The following MED13 variants were observed in gnomAD, a reference collection of about 807,000 sequenced individuals.
The protein encoded by MED13 is mediator complex subunit 13.
Under a neutral mutation model 225.2 loss-of-function variants are expected in MED13, and 23 were observed. That is an observed-to-expected ratio of 0.10 (90% CI 0.07 to 0.14). MED13 has a LOEUF of 0.14. MED13 is among the 10% of genes least tolerant of loss of function. The pLI is 1.00. For synonymous variants in MED13, 942 were observed against 889.2 expected, an observed-to-expected ratio of 1.06 and a Z score of -1.06; for missense variants, 2,197 against 2,594.5, an observed-to-expected ratio of 0.85 and a Z score of 3.33.
At chr17:61,979,715 G>A (rs931371031) in intron 16 of MED13, among the ~76,000 whole-genome samples, 1 of 152,058 alleles carries the variant, frequency 6.6e-6, no homozygotes. Flanking sequence ...TACAGCAAAA[G>A]TCCCCAGAAA....
chr17:62,015,944 ATATATATATATTTTTTTTTT>A lies in MED13; in HGVS notation c.1284-4731_1284-4712del, dbSNP rs1440818177. Reference sequence around the variant, plus strand: ...TATATATATATATATATATATATATATATATATATATTTTTTTTTTTTTTTTTTTTTTTTTTTTTAGTAGA... The same window carrying A: ...TATATATATATATATATATATATATATTTTTTTTTTTTTTTTTTTAGTAGA... On this transcript the variant is annotated intron_variant, in intron 8 of 29. Transcript: ENST00000397786. Among the ~76,000 whole-genome samples the A allele has an allele frequency of 2.3e-3, 29 of 12,728 alleles. 1 individual carries two copies. Among genetic ancestry groups the A allele is most frequent in the South Asian group, 3.5e-3 (1 of 284 alleles). 8.4% of individuals were successfully genotyped at this position (12,728 alleles called of 152,430 possible). A position where few individuals can be genotyped will look rare whatever the true frequency, so the allele number is the denominator to read the frequency against.
chr17:61,963,202 C>CAAAAAA (rs11290002), intron 20 of MED13, among the ~76,000 whole-genome samples: 38 of 55,782 alleles, frequency 6.8e-4, no homozygotes, highest in African/African-American at 9.4e-4. Flanking sequence ...TTAAATTTAC[C>CAAAAAA]AAAAAAAAAA....
At chr17:62,054,200 G>A (rs9915023) in intron 2 of MED13, among the ~76,000 whole-genome samples, 11,389 of 151,788 alleles carry the variant, frequency 0.075, 1,468 homozygotes, top group African/African-American at 0.26. Flanking sequence ...CCAGCTACTC[G>A]GGAGGCTGAG....
At chr17:61,963,052 C>T in intron 20 of MED13, 81 bp from the exon 21 acceptor site, 1 of 1,108,798 alleles carries the variant, frequency 9.0e-7, no homozygotes, top group Non-Finnish European at 1.3e-6. Flanking sequence ...TTAATATCCC[C>T]CTCCTCCCTC....
Position 61,945,066 on chromosome 17 carries a change from TACA to T in MED13, c.*1399_*1401del, listed in dbSNP as rs2079842224. 6.6e-6 allele frequency: 1 copy of T among 152,564 alleles called. No homozygotes were observed. The highest frequency in any genetic ancestry group is 1.5e-5 in the Non-Finnish European group (1 of 68,026). 9.5% of individuals were successfully genotyped at this position (152,564 alleles called of 1,614,324 possible). On this transcript the variant is annotated 3_prime_UTR_variant, in exon 30 of 30. Transcript: ENST00000397786. ...TAATCTGAGCTGTGTTATAGAAAAGTACAGACTCTGGTGTTTGGGACTGACATC... is the reference window on the plus strand; with the variant it reads ...TAATCTGAGCTGTGTTATAGAAAAGTGACTCTGGTGTTTGGGACTGACATC...
chr17:62,061,553 T>C (rs72843797), intron 2 of MED13, among the ~76,000 whole-genome samples: 11,156 of 152,228 alleles, frequency 0.073, 607 homozygotes, highest in South Asian at 0.31. Flanking sequence ...TATCAACAAA[T>C]ATATTTTATC....
chr17:61,953,746 T>TTA (rs771786312), intron 26 of MED13, among the ~76,000 whole-genome samples: 3 of 152,218 alleles, frequency 2.0e-5, no homozygotes, highest in Non-Finnish European at 4.4e-5. Flanking sequence ...GTGTAGTACT[T>TTA]TGTTAGAGCA....
intron 20 of MED13, among the ~76,000 whole-genome samples, chr17:61,964,182 A>T (rs2080033002): frequency 6.6e-6 from 1 of 152,216 alleles, no homozygotes. Context: ...GGGTATCTGG[A>T]CTATATGGTT....
intron 9 of MED13, among the ~76,000 whole-genome samples, chr17:61,996,671 C>T (rs918896223): frequency 2.0e-5 from 3 of 152,174 alleles, no homozygotes; most frequent in Non-Finnish European, 4.4e-5. Context: ...GAGCCCATAA[C>T]TACTTTATTT....
intron 3 of MED13, among the ~76,000 whole-genome samples, chr17:62,047,725 C>G (rs567235771): frequency 5.2e-4 from 79 of 151,624 alleles, no homozygotes; most frequent in African/African-American, 1.7e-3. Flanking sequence ...TAAAAATAAA[C>G]AAACAAATAA....
rs138917473 is a variant in MED13 at position 62,056,179 on chromosome 17, G to C, written c.302-3474C>G. Among the ~76,000 whole-genome samples, 496 of 152,304 alleles carry C rather than the reference G, an allele frequency of 3.3e-3. 3 individuals carry two copies. The highest frequency in any genetic ancestry group is 0.014 in the Middle Eastern group (4 of 294). On this transcript the variant is annotated intron_variant, in intron 2 of 29. Coordinates refer to ENST00000397786, the MANE Select transcript of MED13 (RefSeq NM_005121.3). ...TTTTGGTTTTGTTGGGAATCACTTA[G>C]AAACAAGAAGCCTACTGAGCCAAGT... is the stretch of plus-strand genomic sequence containing the variant.
chr17:62,049,121 A>T lies in MED13; in HGVS notation c.470+3416T>A, dbSNP rs753265133. On this transcript the variant is annotated intron_variant, in intron 3 of 29. Coordinates refer to ENST00000397786, the MANE Select transcript of MED13 (RefSeq NM_005121.3). ...GGAGAAATGAGAAATGAGGGATCCA[A>T]CAAGAAGGGAAAAGCAAAGAGAATC... Among the ~76,000 whole-genome samples the T allele has an allele frequency of 2.1e-4, 32 of 151,788 alleles. 1 individual carries two copies. Among genetic ancestry groups the T allele is most frequent in the Non-Finnish European group, 1.2e-4 (8 of 67,964 alleles).
At chr17:61,962,683 G>T in intron 21 of MED13, 69 bp downstream of exon 21, 1 of 1,335,060 alleles carries the variant, frequency 7.5e-7, no homozygotes. Context: ...CAGAAAAGTA[G>T]TATCTGAAAC....
chr17:62,016,365 T>A (rs1213123911), intron 8 of MED13, among the ~76,000 whole-genome samples: 1 of 152,108 alleles, frequency 6.6e-6, no homozygotes, highest in African/African-American at 2.4e-5. Context: ...ATACTTTCAA[T>A]GACAAGGACC....
chr17:62,025,799 T>C (rs2080695855), intron 8 of MED13, among the ~76,000 whole-genome samples: 1 of 152,236 alleles, frequency 6.6e-6, no homozygotes, highest in Admixed American at 6.5e-5. Flanking sequence ...TTTTTAGCTA[T>C]TTTAAACTGC....
chr17:61,962,764 A>G lies in MED13; in HGVS notation c.5052T>C (p.Thr1684=), dbSNP rs1190302128. The G allele has an allele frequency of 1.9e-6, 3 of 1,613,602 alleles. No individual in the cohort carries two copies. The highest frequency in any genetic ancestry group is 2.5e-6 in the Non-Finnish European group (3 of 1,179,468). The part of the protein sequence containing the change: ...VQTLPPHIKS[T]VSVQIIPCQY... ...CTATCACTCTTACCTGTACAGAAAC[A>G]GTACTCTTGATATGAGGAGGAAGAG... The change falls in exon 21 of 30, where the codon ACT becomes ACC. Residue 1684 remains threonine (T), a synonymous_variant. Transcript: ENST00000397786.
chr17:61,974,361 G>GT (rs1278663699), intron 16 of MED13, among the ~76,000 whole-genome samples: 6 of 152,212 alleles, frequency 3.9e-5, no homozygotes, highest in South Asian at 2.1e-4. Context: ...CCATGATAGC[G>GT]TAACACTGCA....
intron 10 of MED13, among the ~76,000 whole-genome samples, chr17:61,994,491 T>G (rs1365635165): frequency 2.0e-5 from 3 of 152,230 alleles, no homozygotes; most frequent in African/African-American, 7.2e-5. Context: ...AACTCAGTGA[T>G]GTATATTTTA....
chr17:62,056,043 T>A (rs1292074726), intron 2 of MED13, among the ~76,000 whole-genome samples: 4 of 152,156 alleles, frequency 2.6e-5, no homozygotes, highest in Non-Finnish European at 5.9e-5. Context: ...TATGTCCTCA[T>A]CTATATGGCA....
Sources: gnomAD v4.1 joint callset for allele counts (sites outside exome capture counted in the v4.1 genomes callset) on GRCh38, gnomAD v4.1.1 for gene constraint, MANE v1.5 for transcripts, NCBI Gene and HGNC (gene_info 2026-07-23, HGNC 2026-07-21) for gene names.